The following FAM89A variants were observed in gnomAD, a reference collection of about 807,000 sequenced individuals.
The protein encoded by FAM89A is family with sequence similarity 89 member A, also known as protein FAM89A.
A neutral mutation model predicts 7.1 loss-of-function variants in FAM89A; 10 were observed. The ratio of observed to expected loss-of-function variants is 1.40; its 90% CI spans 0.86 to 2.38. The LOEUF is 2.38. FAM89A is among the 30% of genes most tolerant of loss of function. The pLI, the probability that FAM89A is intolerant of heterozygous loss-of-function variation, is 0.00. For missense variants in FAM89A, 276 were observed against 262.8 expected, an observed-to-expected ratio of 1.05 and a Z score of -0.35; for synonymous variants, 157 against 129.3, an observed-to-expected ratio of 1.21 and a Z score of -1.45.
At chr1:231,032,173 T>G (rs545615961) in intron 1 of FAM89A, among the ~76,000 whole-genome samples, 3 of 152,352 alleles carry the variant, frequency 2.0e-5, no homozygotes, top group African/African-American at 7.2e-5. Flanking sequence ...ACTGCAAACA[T>G]TTTACATCCC....
intron 1 of FAM89A, among the ~76,000 whole-genome samples, chr1:231,032,145 T>A (rs566212650): frequency 1.3e-5 from 2 of 152,270 alleles, no homozygotes; most frequent in Admixed American, 6.5e-5. Flanking sequence ...TTTAGCTGTA[T>A]GAAGATTTAA....
At chr1:231,022,766 C>T (rs1010925505) in intron 1 of FAM89A, among the ~76,000 whole-genome samples, 17 of 152,178 alleles carry the variant, frequency 1.1e-4, no homozygotes, top group Admixed American at 4.6e-4. Context: ...AGGGCAATCC[C>T]GTTTCCTAAG....
At chr1:231,021,740 G>A (rs1415844795) in intron 1 of FAM89A, 8 of 1,601,466 alleles carry the variant, frequency 5.0e-6, no homozygotes, top group Non-Finnish European at 8.6e-7. Context: ...AACTGCTGGA[G>A]ATGAAATTGT....
intron 1 of FAM89A, chr1:231,022,311 T>C: frequency 1.6e-6 from 1 of 641,834 alleles, no homozygotes; most frequent in Non-Finnish European, 2.8e-6. Flanking sequence ...CTCTTTTGTT[T>C]CCAACCCCTT....
At chr1:231,033,325 C>T (rs559872117) in intron 1 of FAM89A, among the ~76,000 whole-genome samples, 1 of 152,350 alleles carries the variant, frequency 6.6e-6, no homozygotes, top group South Asian at 2.1e-4. Context: ...TGGTTTCCTC[C>T]ACAGCATTAT....
chr1:231,028,956 A>G (rs1449887400), intron 1 of FAM89A, among the ~76,000 whole-genome samples: 1 of 152,222 alleles, frequency 6.6e-6, no homozygotes, highest in African/African-American at 2.4e-5. Flanking sequence ...AGTAGGCTCC[A>G]CATACAAATA....
intron 1 of FAM89A, chr1:231,021,828 G>C (rs959768437): frequency 7.6e-5 from 121 of 1,600,366 alleles, no homozygotes; most frequent in Non-Finnish European, 9.7e-5. Context: ...GTTGACAAAA[G>C]AAGAAGACCA....
At chr1:231,027,059 T>G (rs1354629294) in intron 1 of FAM89A, 1 of 152,162 alleles carries the variant, frequency 6.6e-6, no homozygotes, top group Non-Finnish European at 1.5e-5. Context: ...CAGGTCTGCT[T>G]TTCTCCTTCC....
chr1:231,021,831 G>A, intron 1 of FAM89A: 2 of 1,600,120 alleles, frequency 1.2e-6, no homozygotes, highest in Non-Finnish European at 1.7e-6. Context: ...GACAAAAGAA[G>A]AAGACCAAGG....
At position 231,020,072 on chromosome 1, in the gene FAM89A, C is replaced by T. The variant is rs201780778; in HGVS notation, c.346G>A (p.Glu116Lys). Residue 116 changes from glutamate (E) to lysine (K), a missense_variant, in exon 2 of 2, where the codon GAG becomes AAG. Glu to Lys is a moderately conservative substitution (Grantham distance 56, BLOSUM62 1). Transcript: ENST00000366654. The stretch of plus-strand genomic sequence containing the variant: ...GCCCCCTTGTACTCCTGAATCGACT[C>T]GTAGAGGCTGTACAGTTGGCAGAGC... ...SLLCQLYSLY[E>K]SIQEYKGACQ... 1.6e-5 allele frequency: 26 copies of T among 1,613,876 alleles called. No homozygotes were observed. Among genetic ancestry groups the T allele is most frequent in the Non-Finnish European group, 2.1e-5 (25 of 1,180,036 alleles).
At chr1:231,024,263 G>A (rs1558254414) in intron 1 of FAM89A, among the ~76,000 whole-genome samples, 1 of 151,516 alleles carries the variant, frequency 6.6e-6, no homozygotes, top group Non-Finnish European at 1.5e-5. Context: ...AGTGTCAGAG[G>A]ATTTACAGAT....
chr1:231,022,611 G>A (rs1260148199), intron 1 of FAM89A, among the ~76,000 whole-genome samples: 3 of 152,168 alleles, frequency 2.0e-5, no homozygotes, highest in Non-Finnish European at 4.4e-5. Context: ...CCAGCTCGAG[G>A]ATCCCAGGTG....
Position 231,031,205 on chromosome 1 carries a change from A to C in FAM89A, c.291+8716T>G, listed in dbSNP as rs560480002. ...AAATATCTGGCTTATCTGGTTCTGC[A>C]TTTGGTCCTTTGTGACGTGCTGTTT... On this transcript the variant is annotated intron_variant, in intron 1 of 1. Coordinates refer to ENST00000366654, the MANE Select transcript of FAM89A (RefSeq NM_198552.3). 4.6e-5 allele frequency among the ~76,000 whole-genome samples: 7 copies of C among 152,302 alleles called. No homozygotes were observed. The South Asian group carries it at 1.5e-3, about 32-fold the overall frequency.
At chr1:231,024,516 G>A (rs1679928904) in intron 1 of FAM89A, among the ~76,000 whole-genome samples, 1 of 50,558 alleles carries the variant, frequency 2.0e-5, no homozygotes, top group Non-Finnish European at 4.3e-5. Flanking sequence ...TTATTACATT[G>A]CATGCACACA....
intron 1 of FAM89A, among the ~76,000 whole-genome samples, chr1:231,031,520 G>A (rs970488359): frequency 2.6e-5 from 4 of 152,066 alleles, no homozygotes; most frequent in Non-Finnish European, 5.9e-5. Context: ...CCAAATGTTG[G>A]TACATTTTCT....
chr1:231,037,083 T>A (rs951626725), intron 1 of FAM89A, among the ~76,000 whole-genome samples: 13 of 152,270 alleles, frequency 8.5e-5, no homozygotes, highest in African/African-American at 1.4e-4. Flanking sequence ...TGTGTGTGTG[T>A]GAGAGTGCAT....
At position 231,037,018 on chromosome 1, in the gene FAM89A, G is replaced by A. The variant is rs115828674; in HGVS notation, c.291+2903C>T. Among the ~76,000 whole-genome samples, 462 of 152,292 alleles carry A rather than the reference G, an allele frequency of 3.0e-3. 3 individuals carry two copies. The highest frequency in any genetic ancestry group is 1.0e-2 in the African/African-American group (414 of 41,552). On this transcript the variant is annotated intron_variant, in intron 1 of 1. Transcript: ENST00000366654. ...TTGACTGGGAAAATAATTGCAATGT[G>A]CAGCCCAAAAAGCAAACCAAAATAT... is the stretch of plus-strand genomic sequence containing the variant.
intron 1 of FAM89A, among the ~76,000 whole-genome samples, chr1:231,034,284 G>A (rs1316491664): frequency 1.3e-5 from 2 of 152,152 alleles, no homozygotes; most frequent in African/African-American, 4.8e-5. Flanking sequence ...GAACCATAGA[G>A]GCATGAGGGG....
intron 1 of FAM89A, among the ~76,000 whole-genome samples, chr1:231,033,265 G>T (rs1680104200): frequency 6.6e-6 from 1 of 152,242 alleles, no homozygotes; most frequent in Non-Finnish European, 1.5e-5. Flanking sequence ...AAATATCTGA[G>T]CAGCCAGCCT....
Sources: gnomAD v4.1 joint callset for allele counts (sites outside exome capture counted in the v4.1 genomes callset) on GRCh38, gnomAD v4.1.1 for gene constraint, MANE v1.5 for transcripts, NCBI Gene and HGNC (gene_info 2026-07-23, HGNC 2026-07-21) for gene names.